NOL4: variants seen among roughly 807,000 people sequenced by gnomAD.
NOL4 encodes the protein cancer/testis antigen 125.
NOL4 carries 17 observed loss-of-function variants against 75.9 expected under a neutral mutation model. The ratio of observed to expected loss-of-function variants is 0.22; its 90% CI spans 0.15 to 0.34. The LOEUF (loss-of-function observed/expected upper bound fraction) is 0.34, where lower values mean the gene tolerates loss of function less well. NOL4 is among the 10% of genes least tolerant of loss of function. The pLI is 1.00. For synonymous variants in NOL4, 292 were observed against 289.9 expected (o/e 1.01, Z -0.07); for missense variants, 614 against 793.5 (o/e 0.77, Z 2.72).
intron 5 of NOL4, among the ~76,000 whole-genome samples, chr18:34,033,668 A>T (rs960718978): frequency 1.3e-5 from 2 of 152,156 alleles, no homozygotes; most frequent in South Asian, 2.1e-4. Flanking sequence ...TTTAGGAAGA[A>T]ATTTAGACAT....
chr18:34,100,867 C>A (rs2079014849), intron 4 of NOL4, among the ~76,000 whole-genome samples: 1 of 152,164 alleles, frequency 6.6e-6, no homozygotes, highest in Non-Finnish European at 1.5e-5. Flanking sequence ...TCTAATAAAC[C>A]TCTTAAATAT....
intron 5 of NOL4, among the ~76,000 whole-genome samples, chr18:34,046,601 C>CA (rs1359050247): frequency 1.3e-4 from 5 of 38,436 alleles, no homozygotes; most frequent in African/African-American, 4.3e-4. Context: ...TTACTATTTA[C>CA]TTATACATAT....
intron 9 of NOL4, among the ~76,000 whole-genome samples, chr18:33,941,950 T>C (rs564866879): frequency 2.6e-5 from 4 of 151,940 alleles, no homozygotes; most frequent in African/African-American, 9.7e-5. Context: ...CATTCTAAAT[T>C]GACATTTTCA....
At chr18:34,052,316 AC>A (rs758557052) in intron 5 of NOL4, among the ~76,000 whole-genome samples, 5 of 152,038 alleles carry the variant, frequency 3.3e-5, no homozygotes, top group Non-Finnish European at 7.4e-5. Flanking sequence ...AATTGCCCTT[AC>A]TTTGACACCA....
chr18:34,131,504 G>A lies in NOL4; in HGVS notation c.265-1484C>T, dbSNP rs2080649574. 2.0e-5 allele frequency among the ~76,000 whole-genome samples: 3 copies of A among 151,956 alleles called. No homozygotes were observed. The South Asian group carries it at 6.2e-4, about 32-fold the overall frequency. On this transcript the variant is annotated intron_variant, in intron 1 of 10. Coordinates refer to ENST00000261592, the MANE Select transcript of NOL4 (RefSeq NM_003787.5). Reference sequence around the variant, plus strand: ...TAGGCTGAAAACTCAAATTCTAACTGTACCCACTAGTAAAACCACCCATAA... The same window carrying A: ...TAGGCTGAAAACTCAAATTCTAACTATACCCACTAGTAAAACCACCCATAA...
chr18:34,031,382 G>A (rs991066626), intron 5 of NOL4, among the ~76,000 whole-genome samples: 1 of 152,174 alleles, frequency 6.6e-6, no homozygotes, highest in East Asian at 1.9e-4. Flanking sequence ...GAAAAGACAT[G>A]TAAAATCCAA....
intron 5 of NOL4, among the ~76,000 whole-genome samples, chr18:34,027,196 A>G: frequency 6.6e-6 from 1 of 152,222 alleles, no homozygotes; most frequent in East Asian, 1.9e-4. Context: ...AGAGGAGGAT[A>G]GAGAGGAGAA....
intron 6 of NOL4, among the ~76,000 whole-genome samples, chr18:33,976,150 G>A (rs2071472237): frequency 6.6e-6 from 1 of 152,110 alleles, no homozygotes; most frequent in Non-Finnish European, 1.5e-5. Flanking sequence ...ACAGGTCAGG[G>A]GCTGGGGAGG....
chr18:33,934,679 G>A (rs1407309049), intron 9 of NOL4, among the ~76,000 whole-genome samples: 1 of 152,040 alleles, frequency 6.6e-6, no homozygotes, highest in Non-Finnish European at 1.5e-5. Flanking sequence ...CTTTTCTCCT[G>A]CAGCTTCCTC....
intron 1 of NOL4, chr18:34,156,645 T>G (rs2030447497): frequency 6.6e-6 from 1 of 152,320 alleles, no homozygotes; most frequent in African/African-American, 2.4e-5. Context: ...ATACCTCACG[T>G]CTGTTCACTC....
intron 5 of NOL4, among the ~76,000 whole-genome samples, chr18:34,025,950 G>A (rs1376014422): frequency 6.6e-6 from 1 of 152,094 alleles, no homozygotes. Flanking sequence ...CTATGGTAAT[G>A]GGTGAGCCAG....
chr18:34,004,494 A>AT (rs921821824), intron 6 of NOL4, among the ~76,000 whole-genome samples: 2 of 152,040 alleles, frequency 1.3e-5, no homozygotes, highest in Non-Finnish European at 2.9e-5. Flanking sequence ...TTTTAAAGAT[A>AT]TTTTTTGTTT....
chr18:34,165,473 A>G (rs1022945406), intron 1 of NOL4, among the ~76,000 whole-genome samples: 1 of 152,156 alleles, frequency 6.6e-6, no homozygotes, highest in Non-Finnish European at 1.5e-5. Flanking sequence ...TTCACATAGC[A>G]TTAGAAGCCT....
At position 34,008,206 on chromosome 18, in the gene NOL4, G is replaced by C. The variant is rs2146298229; in HGVS notation, c.1056+11112C>G. Among the ~76,000 whole-genome samples the C allele has an allele frequency of 2.0e-5, 3 of 152,002 alleles. No homozygotes were observed. The South Asian group carries it at 6.2e-4, about 32-fold the overall frequency. ...GTTTATGGTCTTCTAATTCAGACTG[G>C]GACTTACACCATTGGCTCCCTTGGT... is the stretch of plus-strand genomic sequence containing the variant. On this transcript the variant is annotated intron_variant, in intron 6 of 10. Transcript: ENST00000261592.
chr18:33,906,055 C>T (rs2066025108), intron 9 of NOL4, among the ~76,000 whole-genome samples: 1 of 152,212 alleles, frequency 6.6e-6, no homozygotes, highest in African/African-American at 2.4e-5. Context: ...TTTAGGGTAA[C>T]TGCTTTTGCT....
chr18:34,022,574 C>G (rs552285659), intron 5 of NOL4, among the ~76,000 whole-genome samples: 2 of 151,854 alleles, frequency 1.3e-5, no homozygotes, highest in African/African-American at 4.8e-5. Context: ...ATTTTTATTA[C>G]TTTATTATTT....
At chr18:34,180,093 C>T (rs189161030) in intron 1 of NOL4, among the ~76,000 whole-genome samples, 6 of 151,510 alleles carry the variant, frequency 4.0e-5, no homozygotes, top group Admixed American at 4.0e-4. Context: ...ACATAGTCTT[C>T]CAAAAATTAG....
chr18:34,215,515 A>G (rs937865702), intron 1 of NOL4, among the ~76,000 whole-genome samples: 2 of 152,326 alleles, frequency 1.3e-5, no homozygotes. Context: ...AACATTGACT[A>G]TAAGAGGGAG....
intron 5 of NOL4, among the ~76,000 whole-genome samples, chr18:34,062,234 C>T (rs958521128): frequency 6.6e-6 from 1 of 151,480 alleles, no homozygotes; most frequent in African/African-American, 2.4e-5. Context: ...TTAAAAGATG[C>T]CAAATATCAA....
Sources: allele counts gnomAD v4.1 joint callset (sites outside exome capture counted in the v4.1 genomes callset), GRCh38; gene constraint gnomAD v4.1.1; transcripts MANE v1.5; gene names NCBI Gene and HGNC (gene_info 2026-07-23, HGNC 2026-07-21).